STARD8: variants seen among roughly 807,000 people sequenced by gnomAD.
STARD8 encodes the protein stAR-related lipid transfer protein 8.
A neutral mutation model predicts 69.4 loss-of-function variants in STARD8; 25 were observed. The ratio of observed to expected loss-of-function variants is 0.36; its 90% CI spans 0.26 to 0.50. The LOEUF (loss-of-function observed/expected upper bound fraction) is 0.50. Among genes scored for constraint, STARD8 ranks in the 20% least tolerant of loss-of-function variants. The pLI, the probability that STARD8 is intolerant of heterozygous loss-of-function variation, is 0.96. For synonymous variants in STARD8, 389 were observed against 374.6 expected (o/e 1.04, Z -0.45); for missense variants, 921 against 932.5 (o/e 0.99, Z 0.16).
At chrX:68,654,427 A>G (rs1165103336) in intron 1 of STARD8, among the ~76,000 whole-genome samples, 1 of 111,637 alleles carries the variant, frequency 9.0e-6, no homozygotes, top group East Asian at 2.8e-4. Context: ...AAAGCAAATC[A>G]TGGACAGACA....
intron 2 of STARD8, among the ~76,000 whole-genome samples, chrX:68,700,035 G>A (rs1211331890): frequency 2.7e-5 from 3 of 111,286 alleles, no homozygotes; most frequent in Non-Finnish European, 3.8e-5. Flanking sequence ...CCTGCCACTC[G>A]GTTTTATCTT....
At chrX:68,712,710 A>T (rs2080060528) in intron 2 of STARD8, among the ~76,000 whole-genome samples, 1 of 111,885 alleles carries the variant, frequency 8.9e-6, no homozygotes, top group Non-Finnish European at 1.9e-5. Flanking sequence ...CCCAGACAGT[A>T]GGGCTTGGGG....
intron 1 of STARD8, among the ~76,000 whole-genome samples, chrX:68,661,956 C>CTTTCTTTCTTTCTT (rs1236154075): frequency 1.3e-5 from 1 of 74,756 alleles, no homozygotes; most frequent in African/African-American, 8.7e-5. Context: ...CTCTCTCTCT[C>CTTTCTTTCTTTCTT]TCTCTCTCTC....
At chrX:68,696,253 C>T (rs1056365214) in intron 2 of STARD8, among the ~76,000 whole-genome samples, 6 of 111,737 alleles carry the variant, frequency 5.4e-5, no homozygotes, top group African/African-American at 1.3e-4. Flanking sequence ...TACATTCTTC[C>T]CCACCCCACA....
chrX:68,668,376 C>T (rs965503558), intron 2 of STARD8, among the ~76,000 whole-genome samples: 7 of 102,322 alleles, frequency 6.8e-5, no homozygotes, highest in Non-Finnish European at 1.4e-4. Flanking sequence ...CAGGCTGAAG[C>T]GCAGTGGTGC....
At chrX:68,694,570 A>C (rs1386911738) in intron 2 of STARD8, among the ~76,000 whole-genome samples, 3 of 111,541 alleles carry the variant, frequency 2.7e-5, no homozygotes, top group Admixed American at 1.9e-4. Context: ...CAGCCAGTCC[A>C]TGTGACCTTA....
rs1391076600 is a variant in STARD8 at position 68,695,725 on chromosome X, A to G, written c.80-17189A>G. Among the ~76,000 whole-genome samples, 5 of 111,736 alleles carry G rather than the reference A, an allele frequency of 4.5e-5. No homozygotes were observed. In the East Asian group the frequency reaches 1.4e-3, roughly 32 times the overall value. Reference sequence around the variant, plus strand: ...CAATACCTCCTGAGTTCCAGCAGAGAAGCAAAGAAAGTGGCACCAAGAAGA... The same window carrying G: ...CAATACCTCCTGAGTTCCAGCAGAGGAGCAAAGAAAGTGGCACCAAGAAGA... On this transcript the variant is annotated intron_variant, in intron 2 of 14. Coordinates refer to ENST00000374599, the MANE Select transcript of STARD8 (RefSeq NM_001142503.3).
rs189776658 is a variant in STARD8 at position 68,685,843 on chromosome X, A to G, written c.79+20311A>G. Among the ~76,000 whole-genome samples the G allele has an allele frequency of 1.6e-4, 18 of 111,834 alleles. No homozygotes were observed. The East Asian group carries it at 4.8e-3, about 30-fold the overall frequency. ...AGCTGGTCGGTTGCTCAGGCCAGCCAGTCAGAGAATGTGGTTGCAGGGAGG... is the reference window on the plus strand; with the variant it reads ...AGCTGGTCGGTTGCTCAGGCCAGCCGGTCAGAGAATGTGGTTGCAGGGAGG... On this transcript the variant is annotated intron_variant, in intron 2 of 14. Transcript: ENST00000374599.
At chrX:68,661,976 CTTTCTTTCTTT>C (rs2079652242) in intron 1 of STARD8, among the ~76,000 whole-genome samples, 1 of 52,809 alleles carries the variant, frequency 1.9e-5, no homozygotes, top group African/African-American at 1.0e-4. Context: ...CTCTCTCTTT[CTTTCTTTCTTT>C]CTTTCTTTCT....
chrX:68,697,029 C>T (rs1220536379), intron 2 of STARD8, among the ~76,000 whole-genome samples: 1 of 111,868 alleles, frequency 8.9e-6, no homozygotes, highest in Non-Finnish European at 1.9e-5. Flanking sequence ...ATGGCCAATC[C>T]TGCCCTGTCC....
In STARD8 at chrX:68,723,773, G is replaced by A. The variant is rs1433899294; in HGVS notation, c.2947G>A (p.Gly983Ser). 1.7e-6 allele frequency: 2 copies of A among 1,180,384 alleles called. No homozygotes were observed. The highest frequency in any genetic ancestry group is 2.4e-5 in the Admixed American group (1 of 40,855). ...RAQVLEALMP[G>S]VELYHYVTDS... The stretch of plus-strand genomic sequence containing the variant: ...CCAGGTGCTGGAAGCCCTGATGCCG[G>A]GTGTGGAGCTGTACCACTATGTCAC... Residue 983 changes from glycine to serine, a missense_variant, in exon 13 of 15, where the codon GGT (glycine) becomes AGT (serine). By Grantham distance (56) the Gly-to-Ser change is moderately conservative. Coordinates refer to ENST00000374599, the MANE Select transcript of STARD8 (RefSeq NM_001142503.3).
chrX:68,669,258 T>C (rs993236411), intron 2 of STARD8, among the ~76,000 whole-genome samples: 8 of 112,067 alleles, frequency 7.1e-5, no homozygotes, highest in African/African-American at 2.6e-4. Flanking sequence ...GAATACTTGA[T>C]TGGGGCCGGA....
At chrX:68,666,067 G>A (rs1569354812) in intron 2 of STARD8, among the ~76,000 whole-genome samples, 1 of 111,945 alleles carries the variant, frequency 8.9e-6, no homozygotes, top group Non-Finnish European at 1.9e-5. Flanking sequence ...AAGTTTCTGT[G>A]AGCCCAACTT....
chrX:68,691,977 T>TG (rs796472332), intron 2 of STARD8, among the ~76,000 whole-genome samples: 1 of 112,021 alleles, frequency 8.9e-6, no homozygotes, highest in East Asian at 2.8e-4. Flanking sequence ...TTTCCTGGAG[T>TG]GGATGGAATT....
chrX:68,722,738 G>A lies in STARD8; in HGVS notation c.2799+92G>A, dbSNP rs189551612. 6.4e-5 allele frequency: 58 copies of A among 902,190 alleles called. 1 individual carries two copies. The highest frequency in any genetic ancestry group is 7.9e-5 in the Non-Finnish European group (51 of 647,235). The allele number at this position is 902,190 out of a possible 1,213,427, so 74.4% of individuals were successfully genotyped here. A position where few individuals can be genotyped will look rare whatever the true frequency, so the allele number is the denominator to read the frequency against. ...AGAACCCAAAGGAAGGAGCCGGGGA[G>A]GAGCTGCCGCCTGAGTCTCGCTGTG... is the stretch of plus-strand genomic sequence containing the variant. On this transcript the variant is annotated intron_variant, in intron 12 of 14. Coordinates refer to ENST00000374599, the MANE Select transcript of STARD8 (RefSeq NM_001142503.3).
At chrX:68,653,890 G>A (rs952963517) in intron 1 of STARD8, among the ~76,000 whole-genome samples, 1 of 111,792 alleles carries the variant, frequency 8.9e-6, no homozygotes, top group African/African-American at 3.3e-5. Context: ...CACATAAGGG[G>A]TGCCCGGAAC....
At chrX:68,668,087 TTCTTTCTTTCTTTCTTTCTTTCTTTCTG>T (rs1263966258) in intron 2 of STARD8, among the ~76,000 whole-genome samples, 28 of 96,349 alleles carry the variant, frequency 2.9e-4, no homozygotes, top group African/African-American at 1.0e-3. Flanking sequence ...CTTTCTTTCT[TTCTTTCTTTCTTTCTTTCTTTCTTTCTG>T]TCTTTCTTTC....
intron 1 of STARD8, among the ~76,000 whole-genome samples, chrX:68,654,368 A>G (rs1233970919): frequency 9.0e-6 from 1 of 111,638 alleles, no homozygotes; most frequent in Non-Finnish European, 1.9e-5. Flanking sequence ...ACATGCACGT[A>G]TGTGTTAACA....
At chrX:68,721,822 T>C (rs2080152188) in intron 10 of STARD8, 76 bp downstream of exon 10, 2 of 1,000,138 alleles carry the variant, frequency 2.0e-6, no homozygotes, top group African/African-American at 1.9e-5. Context: ...TGGCTTTTGA[T>C]GGCTGGCACT....
Sources: allele counts gnomAD v4.1 joint callset (sites outside exome capture counted in the v4.1 genomes callset), GRCh38; gene constraint gnomAD v4.1.1; transcripts MANE v1.5; gene names NCBI Gene and HGNC (gene_info 2026-07-23, HGNC 2026-07-21).